CLUAP1: variants seen among roughly 807,000 people sequenced by gnomAD.
CLUAP1 encodes intraflagellar transport 38, also known as clusterin-associated protein 1.
A neutral mutation model predicts 55.0 loss-of-function variants in CLUAP1; 50 were observed. That is an observed-to-expected ratio of 0.91 (90% confidence interval 0.72 to 1.15). The LOEUF is 1.15. CLUAP1 is among the 50% of genes most tolerant of loss of function. The probability of loss-of-function intolerance (pLI) is 0.00; values close to 1 mark genes in which losing one functional copy is unlikely to be tolerated. For synonymous variants in CLUAP1, 195 were observed against 175.4 expected, an observed-to-expected ratio of 1.11 and a Z score of -0.88; for missense variants, 530 against 507.6, an observed-to-expected ratio of 1.04 and a Z score of -0.42.
intron 8 of CLUAP1, among the ~76,000 whole-genome samples, chr16:3,523,546 C>A (rs542498634): frequency 3.3e-5 from 5 of 152,350 alleles, no homozygotes; most frequent in Admixed American, 2.0e-4. Flanking sequence ...ACAGGGCCGA[C>A]ATGAGGCCTG....
chr16:3,518,964 T>G (rs2037780112), intron 6 of CLUAP1, among the ~76,000 whole-genome samples: 2 of 152,196 alleles, frequency 1.3e-5, no homozygotes, highest in Non-Finnish European at 2.9e-5. Context: ...AGCCCCACCT[T>G]GGCCACCAGG....
chr16:3,500,190 C>T (rs918711464), upstream of CLUAP1, among the ~76,000 whole-genome samples: 2 of 152,136 alleles, frequency 1.3e-5, no homozygotes, highest in African/African-American at 4.8e-5. Flanking sequence ...GCGCGAGCGG[C>T]TCAGGGCCCC....
chr16:3,527,133 C>T (rs571030969), intron 9 of CLUAP1, among the ~76,000 whole-genome samples: 7 of 151,834 alleles, frequency 4.6e-5, no homozygotes, highest in East Asian at 1.9e-4. Context: ...GCCCAGGTGC[C>T]GAGGCAAGAG....
At chr16:3,526,322 A>G in intron 8 of CLUAP1, 90 bp from the exon 9 acceptor site, 1 of 761,718 alleles carries the variant, frequency 1.3e-6, no homozygotes, top group Non-Finnish European at 1.9e-6. Flanking sequence ...TCTGTAGCAC[A>G]AACTTAGCAG....
At position 3,509,094 on chromosome 16, in the gene CLUAP1, C is replaced by CA. The variant is rs1455660772; in HGVS notation, c.399+634dup. On this transcript the variant is annotated intron_variant, in intron 4 of 11. Coordinates refer to ENST00000576634, the MANE Select transcript of CLUAP1 (RefSeq NM_015041.3). ...CAACATAGTGAGACGCCATTTTTAC[C>CA]AAAAAAAAGAAAAAAATTAGCTAGG... 2.8e-4 allele frequency among the ~76,000 whole-genome samples: 43 copies of CA among 151,056 alleles called. 1 individual carries two copies. Among genetic ancestry groups the CA allele is most frequent in the African/African-American group, 9.2e-4 (38 of 41,138 alleles).
intron 6 of CLUAP1, 58 bp downstream of exon 6, chr16:3,515,649 T>C (rs1425187630): frequency 1.7e-6 from 2 of 1,212,084 alleles, no homozygotes; most frequent in African/African-American, 1.6e-5. Context: ...AAAATACTGA[T>C]TTCTTGCCCA....
intron 8 of CLUAP1, 67 bp downstream of exon 8, chr16:3,523,366 C>CA: frequency 6.7e-7 from 1 of 1,490,682 alleles, no homozygotes; most frequent in Non-Finnish European, 9.0e-7. Context: ...GGTGACAGGT[C>CA]ATTTTGTTAA....
intron 7 of CLUAP1, among the ~76,000 whole-genome samples, chr16:3,521,940 T>C (rs2037845986): frequency 6.6e-6 from 1 of 151,878 alleles, no homozygotes. Context: ...ATGTCTGTAG[T>C]CCCAGCTACT....
chr16:3,518,639 TTTC>T (rs1304533266), intron 6 of CLUAP1, among the ~76,000 whole-genome samples: 2 of 152,230 alleles, frequency 1.3e-5, no homozygotes, highest in Non-Finnish European at 2.9e-5. Flanking sequence ...GAGACCCACC[TTTC>T]TTCCTGTGAG....
chr16:3,531,501 G>A (rs1442263291), intron 10 of CLUAP1, among the ~76,000 whole-genome samples: 2 of 151,038 alleles, frequency 1.3e-5, no homozygotes, highest in East Asian at 1.9e-4. Flanking sequence ...CAGCCTGGGC[G>A]ACAGAGTGAG....
At chr16:3,523,735 C>T (rs560289909) in intron 8 of CLUAP1, among the ~76,000 whole-genome samples, 2 of 152,180 alleles carry the variant, frequency 1.3e-5, no homozygotes, top group African/African-American at 4.8e-5. Flanking sequence ...GAGGCCAAGA[C>T]GAGCGGATCA....
intron 6 of CLUAP1, among the ~76,000 whole-genome samples, chr16:3,518,763 A>G (rs962032033): frequency 2.0e-5 from 3 of 152,186 alleles, no homozygotes; most frequent in Non-Finnish European, 4.4e-5. Context: ...ACTTAGACCA[A>G]AAAAATTAGA....
Position 3,504,760 on chromosome 16 carries a change from T to TA in CLUAP1, c.64dup (p.Ile22AsnfsTer16). ...TGAGAGCCCTGGGATACCCTCGACA[T>TA]ATTTCTATGGAAAATTTCCGTACAC... On this transcript the variant is annotated frameshift_variant, in exon 2 of 12. Coordinates refer to ENST00000576634, the MANE Select transcript of CLUAP1 (RefSeq NM_015041.3). LOFTEE classifies it high-confidence loss of function. 2 of 1,613,274 alleles carry TA rather than the reference T, an allele frequency of 1.2e-6. No homozygotes were observed. Among genetic ancestry groups the TA allele is most frequent in the South Asian group, 2.2e-5 (2 of 91,064 alleles).
intron 3 of CLUAP1, among the ~76,000 whole-genome samples, chr16:3,507,064 C>A (rs554084247): frequency 6.6e-6 from 1 of 151,636 alleles, no homozygotes; most frequent in Non-Finnish European, 1.5e-5. Context: ...GATGTGGTGG[C>A]GGGCACCTGT....
chr16:3,537,950 G>T lies in CLUAP1; in HGVS notation c.*1679G>T, dbSNP rs2038265388. On this transcript the variant is annotated 3_prime_UTR_variant, in exon 12 of 12. Transcript: ENST00000576634. ...GGAGGCGGAGGTTGCAGTGAGCCGA[G>T]ATGGCGCCACTGCACTCCAGCCTGG... 2 of 130,786 alleles carry T rather than the reference G, an allele frequency of 1.5e-5. No homozygotes were observed. The highest frequency in any genetic ancestry group is 1.8e-4 in the Admixed American group (2 of 10,830). The allele number at this position is 130,786 out of a possible 1,614,324, so 8.1% of individuals were successfully genotyped here.
intron 3 of CLUAP1, among the ~76,000 whole-genome samples, 187 bp downstream of exon 3, chr16:3,506,602 C>A (rs898251245): frequency 6.6e-6 from 1 of 151,996 alleles, no homozygotes; most frequent in East Asian, 1.9e-4. Context: ...TCCGTCTCCT[C>A]GGGGGTTCTC....
At chr16:3,526,369 G>C in intron 8 of CLUAP1, 43 bp from the exon 9 acceptor site, 1 of 1,420,306 alleles carries the variant, frequency 7.0e-7, no homozygotes, top group Non-Finnish European at 9.6e-7. Context: ...GAACAGTCCA[G>C]AAAAGGGCCA....
chr16:3,517,610 C>T lies in CLUAP1; in HGVS notation c.579+2019C>T, dbSNP rs1355043771. 4.6e-5 allele frequency among the ~76,000 whole-genome samples: 7 copies of T among 152,202 alleles called. No homozygotes were observed. The East Asian group carries it at 1.4e-3, about 29-fold the overall frequency. On this transcript the variant is annotated intron_variant, in intron 6 of 11. Coordinates refer to ENST00000576634, the MANE Select transcript of CLUAP1 (RefSeq NM_015041.3). ...TACAGGCATGAGGCATTGTGCCTGG[C>T]CCGCAGAGTACTTATTAATTACAGA...
At chr16:3,515,255 G>A in intron 5 of CLUAP1, 1 of 314,260 alleles carries the variant, frequency 3.2e-6, no homozygotes. Flanking sequence ...GCTAAGTTCA[G>A]TTTTGCTCAT....
Sources: allele counts gnomAD v4.1 joint callset (sites outside exome capture counted in the v4.1 genomes callset), GRCh38; gene constraint gnomAD v4.1.1; transcripts MANE v1.5; gene names NCBI Gene and HGNC (gene_info 2026-07-23, HGNC 2026-07-21).